SSBP2: variants seen among roughly 807,000 people sequenced by gnomAD.
SSBP2 encodes the protein single stranded DNA binding protein 2.
SSBP2 carries 17 observed loss-of-function variants against 61.8 expected under a neutral mutation model. That is an observed-to-expected ratio of 0.28 (90% CI 0.19 to 0.41). The LOEUF (loss-of-function observed/expected upper bound fraction) is 0.41. Ranked by LOEUF, SSBP2 falls within the 10% of genes least tolerant of loss-of-function variation. The pLI is 1.00. For synonymous variants in SSBP2, 139 were observed against 141.3 expected, an observed-to-expected ratio of 0.98 and a Z score of 0.12; for missense variants, 310 against 458.7, an observed-to-expected ratio of 0.68 and a Z score of 2.96.
At chr5:81,565,197 A>G (rs1380089146) in intron 4 of SSBP2, among the ~76,000 whole-genome samples, 2 of 152,198 alleles carry the variant, frequency 1.3e-5, no homozygotes, top group African/African-American at 4.8e-5. Context: ...GCTTTTCTCA[A>G]ACAGTCCAAT....
chr5:81,471,887 A>C (rs183600374), intron 8 of SSBP2, among the ~76,000 whole-genome samples: 111 of 152,064 alleles, frequency 7.3e-4, no homozygotes, highest in South Asian at 5.8e-3. Flanking sequence ...CCCTTGTTTC[A>C]ATATAGTCAA....
chr5:81,536,907 G>A (rs1770847752), intron 4 of SSBP2, among the ~76,000 whole-genome samples: 1 of 151,754 alleles, frequency 6.6e-6, no homozygotes, highest in Non-Finnish European at 1.5e-5. Context: ...TGTAATCCCA[G>A]CTAGGAGAAT....
chr5:81,481,197 T>G (rs1038526069), intron 6 of SSBP2, among the ~76,000 whole-genome samples: 1 of 152,200 alleles, frequency 6.6e-6, no homozygotes, highest in Non-Finnish European at 1.5e-5. Flanking sequence ...CCTCTTTCCA[T>G]GAATCACAAA....
chr5:81,725,501 A>C (rs1306680067), intron 1 of SSBP2, among the ~76,000 whole-genome samples: 1 of 152,160 alleles, frequency 6.6e-6, no homozygotes, highest in East Asian at 1.9e-4. Context: ...TATTATCCAG[A>C]GATCCCACTC....
At chr5:81,433,017 C>G (rs1322720883) in intron 15 of SSBP2, among the ~76,000 whole-genome samples, 1 of 151,688 alleles carries the variant, frequency 6.6e-6, no homozygotes, top group Non-Finnish European at 1.5e-5. Context: ...CCAGCCGCCC[C>G]TTCCGGGAGG....
intron 4 of SSBP2, among the ~76,000 whole-genome samples, chr5:81,558,977 C>T (rs544416285): frequency 3.3e-5 from 5 of 152,306 alleles, no homozygotes; most frequent in South Asian, 4.1e-4. Context: ...ATTTATAGGC[C>T]GGGCGCAGTG....
At chr5:81,450,473 T>C (rs1763697106) in intron 10 of SSBP2, among the ~76,000 whole-genome samples, 2 of 152,208 alleles carry the variant, frequency 1.3e-5, no homozygotes, top group Admixed American at 6.5e-5. Context: ...TAAGCAACTT[T>C]AAGATACAAT....
At position 81,542,817 on chromosome 5, in the gene SSBP2, T is replaced by TTCTCTCTCTCTCTCTCTCTCTCTCTC. The variant is rs60252222; in HGVS notation, c.283-29126_283-29101dup. On this transcript the variant is annotated intron_variant, in intron 4 of 16. Coordinates refer to ENST00000320672, the MANE Select transcript of SSBP2 (RefSeq NM_012446.5). The stretch of plus-strand genomic sequence containing the variant: ...ATGGTTTTTATAAGTATTTGACAGT[T>TTCTCTCTCTCTCTCTCTCTCTCTCTC]TCTCTCTCTCTCTCTCTCTCTCTCT... Among the ~76,000 whole-genome samples the TTCTCTCTCTCTCTCTCTCTCTCTCTC allele has an allele frequency of 1.5e-3, 164 of 106,744 alleles. 3 individuals carry two copies. The highest frequency in any genetic ancestry group is 5.3e-3 in the African/African-American group (131 of 24,584). The allele number at this position is 106,744 out of a possible 152,430, so 70.0% of individuals were successfully genotyped here.
At chr5:81,698,991 T>C (rs576091830) in intron 1 of SSBP2, among the ~76,000 whole-genome samples, 3 of 152,308 alleles carry the variant, frequency 2.0e-5, no homozygotes, top group African/African-American at 4.8e-5. Context: ...TGCAGTAAAG[T>C]GAACACTACA....
intron 1 of SSBP2, among the ~76,000 whole-genome samples, chr5:81,716,628 A>G (rs1755188117): frequency 6.6e-6 from 1 of 152,196 alleles, no homozygotes; most frequent in African/African-American, 2.4e-5. Flanking sequence ...TTCTATCATT[A>G]ACCTTTTCTG....
At position 81,751,094 on chromosome 5, in the gene SSBP2, C is replaced by T. The variant is rs1333199175; in HGVS notation, c.-52G>A. ...TCACGCACCTGTCAACCCATCACAG[C>T]CTCCCCGGGAACAGCCCCGTCCCCA... is the stretch of plus-strand genomic sequence containing the variant. On this transcript the variant is annotated 5_prime_UTR_variant, in exon 1 of 17. Transcript: ENST00000320672. 6.5e-7 allele frequency: 1 copy of T among 1,545,620 alleles called. No homozygotes were observed. The highest frequency in any genetic ancestry group is 1.2e-5 in the South Asian group (1 of 84,204).
intron 1 of SSBP2, among the ~76,000 whole-genome samples, chr5:81,694,811 C>CA (rs202247738): frequency 5.5e-4 from 84 of 151,700 alleles, no homozygotes; most frequent in African/African-American, 1.8e-3. Flanking sequence ...TCTACCTCTA[C>CA]AAAAAAAAAT....
intron 15 of SSBP2, among the ~76,000 whole-genome samples, chr5:81,437,118 G>T (rs1762721883): frequency 6.6e-6 from 1 of 151,072 alleles, no homozygotes; most frequent in Non-Finnish European, 1.5e-5. Flanking sequence ...TCTAAATTCT[G>T]TAAGTTTGCT....
At chr5:81,565,685 C>A (rs11952916) in intron 4 of SSBP2, among the ~76,000 whole-genome samples, 19 of 152,036 alleles carry the variant, frequency 1.2e-4, no homozygotes, top group Admixed American at 1.0e-3. Flanking sequence ...AAGAACCAAC[C>A]GTATCTTTTA....
chr5:81,495,048 G>A (rs1767178646), intron 5 of SSBP2, among the ~76,000 whole-genome samples: 1 of 152,024 alleles, frequency 6.6e-6, no homozygotes, highest in Non-Finnish European at 1.5e-5. Flanking sequence ...CTTTCTGCTA[G>A]CACAAAAGCA....
At chr5:81,545,634 T>C (rs1489785372) in intron 4 of SSBP2, among the ~76,000 whole-genome samples, 1 of 152,216 alleles carries the variant, frequency 6.6e-6, no homozygotes, top group Non-Finnish European at 1.5e-5. Flanking sequence ...AGGTGTGATA[T>C]ACTCTGGGAT....
intron 6 of SSBP2, among the ~76,000 whole-genome samples, chr5:81,479,765 T>A (rs1207843084): frequency 1.3e-5 from 2 of 152,210 alleles, no homozygotes; most frequent in Non-Finnish European, 2.9e-5. Flanking sequence ...AACAATCTTA[T>A]AAAGTTATTA....
At chr5:81,660,226 A>G (rs1268711394) in intron 1 of SSBP2, among the ~76,000 whole-genome samples, 2 of 152,216 alleles carry the variant, frequency 1.3e-5, no homozygotes, top group Non-Finnish European at 2.9e-5. Flanking sequence ...ATGAGAGTGA[A>G]CAGGCAACCT....
chr5:81,698,137 C>A (rs887161975), intron 1 of SSBP2, among the ~76,000 whole-genome samples: 1 of 151,990 alleles, frequency 6.6e-6, no homozygotes, highest in Non-Finnish European at 1.5e-5. Flanking sequence ...AAAGAAAATA[C>A]ACTGAAAGTA....
Sources: gnomAD v4.1 joint callset for allele counts (sites outside exome capture counted in the v4.1 genomes callset) on GRCh38, gnomAD v4.1.1 for gene constraint, MANE v1.5 for transcripts, NCBI Gene and HGNC (gene_info 2026-07-23, HGNC 2026-07-21) for gene names.